The following NOTCH1 variants were observed in gnomAD, a reference collection of about 807,000 sequenced individuals.
NOTCH1 encodes neurogenic locus notch homolog protein 1.
In NOTCH1, 37 loss-of-function variants were observed where a neutral mutation model predicts 254.8. The observed-to-expected ratio is 0.15, with a 90% CI of 0.11 to 0.19. The LOEUF (loss-of-function observed/expected upper bound fraction) is 0.19, where lower values mean the gene tolerates loss of function less well. Ranked by LOEUF, NOTCH1 falls within the 10% of genes least tolerant of loss-of-function variation. The probability of loss-of-function intolerance (pLI) is 1.00; values close to 1 mark genes in which losing one functional copy is unlikely to be tolerated. For synonymous variants in NOTCH1, 1,731 were observed against 1,618.1 expected (o/e 1.07, Z -1.68); for missense variants, 2,972 against 3,708.6 (o/e 0.80, Z 5.16).
At chr9:136,538,834 C>A (rs558552068) in intron 2 of NOTCH1, among the ~76,000 whole-genome samples, 2 of 152,350 alleles carry the variant, frequency 1.3e-5, no homozygotes, top group Admixed American at 6.5e-5. Context: ...GTGGAGCTGT[C>A]ATCGCTGCAT....
chr9:136,543,961 G>T (rs563810916), intron 2 of NOTCH1, 63 bp downstream of exon 2: 2 of 1,433,064 alleles, frequency 1.4e-6, no homozygotes, highest in Non-Finnish European at 1.9e-6. Flanking sequence ...TCCCCTGCGC[G>T]GCTGCAGAAG....
chr9:136,508,765 C>A, intron 19 of NOTCH1, 105 bp downstream of exon 19: 4 of 1,194,590 alleles, frequency 3.3e-6, no homozygotes, highest in Non-Finnish European at 4.6e-6. Flanking sequence ...GTGGGGGTGA[C>A]CCCGAGCCGA....
intron 27 of NOTCH1, 153 bp from the exon 28 acceptor site, chr9:136,502,641 C>T (rs1156306852): frequency 1.4e-5 from 8 of 576,372 alleles, no homozygotes; most frequent in Non-Finnish European, 2.4e-5. Context: ...TCATTTTCTA[C>T]GCGATTAATC....
Position 136,504,682 on chromosome 9 carries a change from T to C in NOTCH1, c.5009A>G (p.Asp1670Gly). 6.6e-7 allele frequency: 1 copy of C among 1,519,840 alleles called. No homozygotes were observed. The highest frequency in any genetic ancestry group is 8.8e-7 in the Non-Finnish European group (1 of 1,130,940). 94.1% of individuals were successfully genotyped at this position (1,519,840 alleles called of 1,614,324 possible). A position where few individuals can be genotyped will look rare whatever the true frequency, so the allele number is the denominator to read the frequency against. ...GCCGGGTCTCACTCACCCGCGGACGTCCATGGGGTCCAGCTCCCTCCGCCG... is the reference window on the plus strand; with the variant it reads ...GCCGGGTCTCACTCACCCGCGGACGCCCATGGGGTCCAGCTCCCTCCGCCG... Reference protein sequence around the residue: ...GRRRRELDPMDVRGSIVYLEI... With the variant: ...GRRRRELDPMGVRGSIVYLEI... The change falls in exon 26 of 34, where the codon GAC becomes GGC. Residue 1670 changes from aspartate to glycine, a missense_variant. Physicochemically the swap from Asp to Gly is moderately conservative, Grantham distance 94 (BLOSUM62 -1). Coordinates refer to ENST00000651671, the MANE Select transcript of NOTCH1 (RefSeq NM_017617.5).
intron 4 of NOTCH1, 199 bp downstream of exon 4, chr9:136,522,651 A>C: frequency 3.4e-6 from 2 of 586,910 alleles, no homozygotes; most frequent in East Asian, 3.0e-5. Flanking sequence ...ACCCTGTGCA[A>C]GCCTCCTCCC....
Position 136,506,935 on chromosome 9 carries a change from G to A in NOTCH1, c.3682C>T (p.Pro1228Ser), listed in dbSNP as rs931215108. ...CEINVDDCNP[P>S]VDPVSRSPKC... is the part of the protein sequence containing the mutation. Reference sequence around the variant, plus strand: ...GGGCTCCGGGACACGGGGTCAACGGGGGGATTGCAGTCGTCCACGTTGATC... The same window carrying A: ...GGGCTCCGGGACACGGGGTCAACGGAGGGATTGCAGTCGTCCACGTTGATC... The change falls in exon 23 of 34, where the codon CCC (proline) becomes TCC (serine). Residue 1228 changes from proline to serine, a missense_variant. Around this residue, in one of 8 missense-constraint regions of NOTCH1, gnomAD observed 1,343 missense variants for 1,557.0 expected, o/e 0.86. Coordinates refer to ENST00000651671, the MANE Select transcript of NOTCH1 (RefSeq NM_017617.5). This position sits in a 1 kb window ranked among gnomAD's most constrained non-coding sequence, Gnocchi z 4.5. 1.2e-6 allele frequency: 2 copies of A among 1,611,254 alleles called. No homozygotes were observed. Among genetic ancestry groups the A allele is most frequent in the Non-Finnish European group, 1.7e-6 (2 of 1,179,328 alleles).
At chr9:136,503,557 C>A (rs1220698491) in intron 26 of NOTCH1, among the ~76,000 whole-genome samples, 1 of 152,222 alleles carries the variant, frequency 6.6e-6, no homozygotes, top group African/African-American at 2.4e-5. Flanking sequence ...CAGATACCCA[C>A]CAACGCGCTC....
Position 136,495,910 on chromosome 9 carries a change from G to T in NOTCH1, c.*161C>A. The stretch of plus-strand genomic sequence containing the variant: ...GGCAGTGTTTCTGTGTAAAATAAAA[G>T]TACATAAATAAATACTAAAAAAAAT... On this transcript the variant is annotated 3_prime_UTR_variant, in exon 34 of 34. Transcript: ENST00000651671. 4.0e-6 allele frequency: 3 copies of T among 753,542 alleles called. No homozygotes were observed. Among genetic ancestry groups the T allele is most frequent in the Non-Finnish European group, 6.2e-6 (3 of 486,146 alleles). The allele number at this position is 753,542 out of a possible 1,614,324, so 46.7% of individuals were successfully genotyped here.
Position 136,515,294 on chromosome 9 carries a change from G to A in NOTCH1, c.2010C>T (p.Tyr670=), listed in dbSNP as rs1231136767. Residue 670 remains tyrosine (Y), a synonymous_variant, in exon 12 of 34, where the codon TAC becomes TAT. Transcript: ENST00000651671. ...CCCACGTGCAGGGCCGCTCACCTGT[G>A]TAGCCCGGCTCACAGGCACACTCGT... ...DGYECACEPG[Y]TGSMCNINID... 6.2e-7 allele frequency: 1 copy of A among 1,612,746 alleles called. No homozygotes were observed. The highest frequency in any genetic ancestry group is 8.5e-7 in the Non-Finnish European group (1 of 1,179,914).
chr9:136,519,742 T>C, intron 4 of NOTCH1, 177 bp from the exon 5 acceptor site: 1 of 815,872 alleles, frequency 1.2e-6, no homozygotes, highest in Non-Finnish European at 2.1e-6. Flanking sequence ...ACGCCCTGCT[T>C]GAAAGAATCA....
Position 136,496,380 on chromosome 9 carries a change from C to A in NOTCH1, c.7359G>T (p.Val2453=). The A allele has an allele frequency of 6.3e-7, 1 of 1,595,810 alleles. No homozygotes were observed. The highest frequency in any genetic ancestry group is 8.5e-7 in the Non-Finnish European group (1 of 1,177,008). The part of the protein sequence containing the change: ...VQPLGPSSLA[V]HTILPQESPA... Reference sequence around the variant, plus strand: ...GGCTCTCCTGGGGCAGAATAGTGTGCACCGCCAGGCTGCTGGGGCCCAGTG... The same window carrying A: ...GGCTCTCCTGGGGCAGAATAGTGTGAACCGCCAGGCTGCTGGGGCCCAGTG... The change falls in exon 34 of 34, where the codon GTG becomes GTT. Residue 2453 remains valine (V), a synonymous_variant. Transcript: ENST00000651671.
chr9:136,529,630 C>G (rs1843526820), intron 2 of NOTCH1, among the ~76,000 whole-genome samples: 2 of 152,232 alleles, frequency 1.3e-5, no homozygotes, highest in Non-Finnish European at 2.9e-5. Context: ...GCAAGGAAGG[C>G]CCCGGGCTCC....
At position 136,498,883 on chromosome 9, in the gene NOTCH1, C is replaced by T. The variant is rs1842955222; in HGVS notation, c.6180+16G>A. On this transcript the variant is annotated intron_variant, in intron 33 of 33. Coordinates refer to ENST00000651671, the MANE Select transcript of NOTCH1 (RefSeq NM_017617.5). ...CAGCCCTCACGTCTCCCCTGGCATC[C>T]CAGCCTCGCGCTCACCCTGTTGTTC... The T allele has an allele frequency of 6.2e-7, 1 of 1,613,092 alleles. No individual in the cohort carries two copies. The highest frequency in any genetic ancestry group is 8.5e-7 in the Non-Finnish European group (1 of 1,179,836).
At chr9:136,526,784 G>A (rs1013991537) in intron 2 of NOTCH1, among the ~76,000 whole-genome samples, 1 of 152,224 alleles carries the variant, frequency 6.6e-6, no homozygotes, top group African/African-American at 2.4e-5. Context: ...CCAGCAAGAG[G>A]AAAACACGCC....
At chr9:136,503,558 C>T (rs954130719) in intron 26 of NOTCH1, among the ~76,000 whole-genome samples, 3 of 152,218 alleles carry the variant, frequency 2.0e-5, no homozygotes, top group African/African-American at 7.2e-5. Flanking sequence ...AGATACCCAC[C>T]AACGCGCTCT....
In NOTCH1 at chr9:136,499,186, G is replaced by C. The variant is rs934521378; in HGVS notation, c.6008C>G (p.Ala2003Gly). ...HDGTTPLILA[A>G]RLAVEGMLED... ...CAGCATGCCCTCCACGGCCAGGCGG[G>C]CAGCCAGGATCAGTGGCGTCGTGCC... is the stretch of plus-strand genomic sequence containing the variant. Residue 2003 changes from alanine to glycine, a missense_variant, in exon 32 of 34, where the codon GCC (alanine) becomes GGC (glycine). Coordinates refer to ENST00000651671, the MANE Select transcript of NOTCH1 (RefSeq NM_017617.5). 1.2e-6 allele frequency: 2 copies of C among 1,613,382 alleles called. No homozygotes were observed. Among genetic ancestry groups the C allele is most frequent in the Non-Finnish European group, 1.7e-6 (2 of 1,180,012 alleles).
rs1223921509 is a variant in NOTCH1 at position 136,504,856 on chromosome 9, C to T, written c.4835G>A (p.Gly1612Asp). The T allele has an allele frequency of 3.8e-6, 6 of 1,581,648 alleles. No homozygotes were observed. The East Asian group carries it at 1.4e-4, about 36-fold the overall frequency. The change falls in exon 26 of 34, where the codon GGC (glycine) becomes GAC (aspartate). Residue 1612 changes from glycine (G) to aspartate (D), a missense_variant. Coordinates refer to ENST00000651671, the MANE Select transcript of NOTCH1 (RefSeq NM_017617.5). ...TNVVFKRDAHGQQMIFPYYGR... is the reference protein window; with the variant it reads ...TNVVFKRDAHDQQMIFPYYGR... ...GTAGTAGGGGAAGATCATCTGCTGG[C>T]CGTGTGCGTCACGCTTGAAGACCAC...
At chr9:136,531,446 A>G (rs1237694582) in intron 2 of NOTCH1, among the ~76,000 whole-genome samples, 1 of 151,904 alleles carries the variant, frequency 6.6e-6, no homozygotes, top group African/African-American at 2.4e-5. Flanking sequence ...TGTCCCCCGC[A>G]CCCCCAGCCC....
chr9:136,503,012 G>T, intron 27 of NOTCH1, 170 bp downstream of exon 27: 1 of 965,292 alleles, frequency 1.0e-6, no homozygotes, highest in Non-Finnish European at 1.6e-6. Context: ...GACCGCCGCA[G>T]GTGGGGGCGG....
Sources: allele counts gnomAD v4.1 joint callset (sites outside exome capture counted in the v4.1 genomes callset), GRCh38; gene constraint gnomAD v4.1.1; regional missense constraint gnomAD v4.1.1; non-coding constraint Gnocchi (gnomAD v3.1); transcripts MANE v1.5; gene names NCBI Gene and HGNC (gene_info 2026-07-23, HGNC 2026-07-21).